Variants in LPAR1 observed in about 807,000 individuals in gnomAD.
LPAR1 encodes LPA receptor 1.
In LPAR1, 5 loss-of-function variants were observed where a neutral mutation model predicts 23.8. That is an observed-to-expected ratio of 0.21 (90% confidence interval 0.11 to 0.44). The LOEUF is 0.44. Among genes scored for constraint, LPAR1 ranks in the 20% least tolerant of loss-of-function variants. LPAR1 has a pLI of 0.99. For missense variants in LPAR1, 311 were observed against 482.8 expected, an observed-to-expected ratio of 0.64 and a Z score of 3.33; for synonymous variants, 160 against 164.7, an observed-to-expected ratio of 0.97 and a Z score of 0.22.
intron 5 of LPAR1, among the ~76,000 whole-genome samples, chr9:110,907,812 A>G (rs116958990): frequency 6.6e-6 from 1 of 152,240 alleles, no homozygotes; most frequent in East Asian, 1.9e-4. Flanking sequence ...AGAGAGCATA[A>G]GGATGGTAAG....
At chr9:110,877,221 T>G (rs1325069452) in intron 5 of LPAR1, among the ~76,000 whole-genome samples, 1 of 152,234 alleles carries the variant, frequency 6.6e-6, no homozygotes, top group Non-Finnish European at 1.5e-5. Context: ...AGCTTTCTTT[T>G]GTGAAACTTT....
At chr9:110,912,854 T>C (rs900206242) in intron 5 of LPAR1, among the ~76,000 whole-genome samples, 3 of 152,160 alleles carry the variant, frequency 2.0e-5, no homozygotes, top group Non-Finnish European at 2.9e-5. Flanking sequence ...GATGCTAATC[T>C]TGCCTCTCTT....
At chr9:110,882,575 T>C (rs529010651) in intron 5 of LPAR1, among the ~76,000 whole-genome samples, 3 of 152,316 alleles carry the variant, frequency 2.0e-5, no homozygotes, top group South Asian at 2.1e-4. Flanking sequence ...AGAATTTGTA[T>C]CCTATAATTT....
chr9:111,023,140 C>A lies in LPAR1; in HGVS notation c.-182+12982G>T, dbSNP rs188742829. Among the ~76,000 whole-genome samples the A allele has an allele frequency of 6.4e-3, 974 of 151,792 alleles. 5 individuals are homozygous for A. Among genetic ancestry groups the A allele is most frequent in the Admixed American group, 0.01 (160 of 15,246 alleles). Reference sequence around the variant, plus strand: ...AAAACTACTTCAACAAACACCAACACCCATCTCCCCCAAAAAATCCTTGAC... The same window carrying A: ...AAAACTACTTCAACAAACACCAACAACCATCTCCCCCAAAAAATCCTTGAC... On this transcript the variant is annotated intron_variant, in intron 2 of 5. Coordinates refer to ENST00000683809, the MANE Select transcript of LPAR1 (RefSeq NM_001351411.2).
At chr9:110,890,894 CA>C (rs1205578256) in intron 5 of LPAR1, among the ~76,000 whole-genome samples, 1 of 152,138 alleles carries the variant, frequency 6.6e-6, no homozygotes, top group Non-Finnish European at 1.5e-5. Flanking sequence ...CCACCACCAA[CA>C]AATCAAAATA....
chr9:110,876,045 T>C (rs1420860719), intron 5 of LPAR1, among the ~76,000 whole-genome samples: 4 of 152,182 alleles, frequency 2.6e-5, no homozygotes, highest in African/African-American at 9.7e-5. Context: ...TCACCTCACA[T>C]AACAACATGG....
At chr9:110,913,827 G>A (rs1010966227) in intron 5 of LPAR1, among the ~76,000 whole-genome samples, 3 of 152,128 alleles carry the variant, frequency 2.0e-5, no homozygotes, top group Non-Finnish European at 4.4e-5. Flanking sequence ...GATCAAAGTG[G>A]CTATTTTGTA....
chr9:110,878,541 T>C (rs1300977432), intron 5 of LPAR1, among the ~76,000 whole-genome samples: 3 of 152,180 alleles, frequency 2.0e-5, no homozygotes, highest in Non-Finnish European at 4.4e-5. Flanking sequence ...GAGATGTGCA[T>C]TGTGGACCCC....
At chr9:110,939,481 C>A (rs114688394) in intron 5 of LPAR1, among the ~76,000 whole-genome samples, 1 of 152,174 alleles carries the variant, frequency 6.6e-6, no homozygotes, top group Admixed American at 6.5e-5. Context: ...GAGATGTCAA[C>A]TGCATTCGAT....
chr9:110,935,928 A>G (rs1193013385), intron 5 of LPAR1, among the ~76,000 whole-genome samples: 1 of 152,212 alleles, frequency 6.6e-6, no homozygotes, highest in Non-Finnish European at 1.5e-5. Context: ...CATCTGGCAT[A>G]CCTACTAGGT....
intron 5 of LPAR1, among the ~76,000 whole-genome samples, chr9:110,885,257 G>T (rs920628748): frequency 7.9e-5 from 12 of 152,150 alleles, no homozygotes; most frequent in African/African-American, 2.9e-4. Flanking sequence ...TGCAGTGGGT[G>T]GGGGGTCATC....
intron 5 of LPAR1, among the ~76,000 whole-genome samples, chr9:110,890,518 T>G (rs1003113488): frequency 2.6e-5 from 4 of 152,188 alleles, no homozygotes; most frequent in African/African-American, 9.7e-5. Context: ...TTTTTCTCAG[T>G]GGGATTGGAA....
chr9:110,952,252 T>C (rs947307740), intron 4 of LPAR1, among the ~76,000 whole-genome samples: 3 of 151,474 alleles, frequency 2.0e-5, no homozygotes, highest in African/African-American at 7.3e-5. Flanking sequence ...CCTCCAGTGG[T>C]CCACAATCCC....
chr9:110,887,332 C>T (rs1228797868), intron 5 of LPAR1, among the ~76,000 whole-genome samples: 1 of 151,734 alleles, frequency 6.6e-6, no homozygotes, highest in Non-Finnish European at 1.5e-5. Context: ...TTTACATAAC[C>T]TAAAAATGTT....
chr9:110,904,201 G>A (rs1222364847), intron 5 of LPAR1, among the ~76,000 whole-genome samples: 1 of 152,082 alleles, frequency 6.6e-6, no homozygotes, highest in Admixed American at 6.5e-5. Context: ...ATGGAATCAT[G>A]GAGCATTAGG....
intron 5 of LPAR1, among the ~76,000 whole-genome samples, chr9:110,920,971 AT>A (rs112389775): frequency 0.19 from 27,735 of 148,378 alleles, 3,250 homozygotes; most frequent in East Asian, 0.6. Flanking sequence ...ACAACAACAA[AT>A]TTTTTTTTTT....
chr9:110,982,594 G>A (rs576767018), intron 2 of LPAR1, among the ~76,000 whole-genome samples: 128 of 151,792 alleles, frequency 8.4e-4, no homozygotes, highest in Non-Finnish European at 1.5e-3. Context: ...CCTGCATGTT[G>A]TGCACATGTA....
At chr9:111,000,520 A>G (rs972136277) in intron 2 of LPAR1, among the ~76,000 whole-genome samples, 40 of 152,198 alleles carry the variant, frequency 2.6e-4, no homozygotes, top group African/African-American at 9.7e-4. Flanking sequence ...GCACAAAGGC[A>G]TCAGGCTAAA....
chr9:110,948,655 C>G (rs894884023), intron 4 of LPAR1, among the ~76,000 whole-genome samples: 24 of 152,078 alleles, frequency 1.6e-4, no homozygotes, highest in Admixed American at 1.5e-3. Context: ...TGGAAAAATT[C>G]ACTAAAAACA....
Sources: gnomAD v4.1 joint callset for allele counts (sites outside exome capture counted in the v4.1 genomes callset) on GRCh38, gnomAD v4.1.1 for gene constraint, MANE v1.5 for transcripts, NCBI Gene and HGNC (gene_info 2026-07-23, HGNC 2026-07-21) for gene names.